Variants in UBASH3B observed in about 807,000 individuals in gnomAD.
UBASH3B encodes ubiquitin associated and SH3 domain containing B.
Under a neutral mutation model 83.4 loss-of-function variants are expected in UBASH3B, and 37 were observed. That is an observed-to-expected ratio of 0.44 (90% CI 0.34 to 0.58). UBASH3B has a LOEUF of 0.58. Ranked by LOEUF, UBASH3B falls within the 20% of genes least tolerant of loss-of-function variation. UBASH3B has a pLI of 0.01. For missense variants in UBASH3B, 657 were observed against 827.2 expected, an observed-to-expected ratio of 0.79 and a Z score of 2.52; for synonymous variants, 304 against 318.3, an observed-to-expected ratio of 0.96 and a Z score of 0.48.
At chr11:122,762,099 G>A (rs529098692) in intron 1 of UBASH3B, among the ~76,000 whole-genome samples, 86 of 152,062 alleles carry the variant, frequency 5.7e-4, no homozygotes, top group African/African-American at 2.0e-3. Flanking sequence ...GCCGGTTTTC[G>A]CCATTACCGT....
intron 1 of UBASH3B, among the ~76,000 whole-genome samples, chr11:122,692,301 T>A (rs1863906478): frequency 6.6e-6 from 1 of 152,200 alleles, no homozygotes; most frequent in African/African-American, 2.4e-5. Flanking sequence ...AGATGAATAT[T>A]TTCTTACTAA....
chr11:122,696,054 A>T (rs1316539276), intron 1 of UBASH3B, among the ~76,000 whole-genome samples: 3 of 152,040 alleles, frequency 2.0e-5, no homozygotes, highest in Admixed American at 1.3e-4. Context: ...GGTTTAAGCG[A>T]ATCTCCTGCC....
chr11:122,707,788 TC>T (rs1043490853), intron 1 of UBASH3B, among the ~76,000 whole-genome samples: 1 of 49,196 alleles, frequency 2.0e-5, no homozygotes, highest in African/African-American at 4.1e-5. Flanking sequence ...AACCTCCGCC[TC>T]CTGTGTTCAA....
chr11:122,784,741 C>G (rs1860917678), intron 5 of UBASH3B, among the ~76,000 whole-genome samples: 1 of 152,132 alleles, frequency 6.6e-6, no homozygotes, highest in Non-Finnish European at 1.5e-5. Context: ...AAGAGCCAAC[C>G]CATGAGTCAG....
chr11:122,657,927 G>A (rs942340980), intron 1 of UBASH3B, among the ~76,000 whole-genome samples: 1 of 152,166 alleles, frequency 6.6e-6, no homozygotes, highest in Non-Finnish European at 1.5e-5. Flanking sequence ...TGTAACCCCA[G>A]CAGTTTGGGA....
chr11:122,714,605 G>A (rs536196841), intron 1 of UBASH3B, among the ~76,000 whole-genome samples: 6 of 152,318 alleles, frequency 3.9e-5, no homozygotes, highest in East Asian at 1.9e-4. Flanking sequence ...CTTCACGGTC[G>A]TGTGACTTTG....
intron 10 of UBASH3B, 72 bp downstream of exon 10, chr11:122,799,106 C>A: frequency 7.8e-7 from 1 of 1,279,508 alleles, no homozygotes; most frequent in Non-Finnish European, 1.1e-6. Flanking sequence ...CATAAATTAT[C>A]TTAGAGCCAT....
chr11:122,762,102 A>G (rs1193060217), intron 1 of UBASH3B, among the ~76,000 whole-genome samples: 1 of 152,056 alleles, frequency 6.6e-6, no homozygotes, highest in Non-Finnish European at 1.5e-5. Context: ...GGTTTTCGCC[A>G]TTACCGTCAA....
intron 5 of UBASH3B, among the ~76,000 whole-genome samples, chr11:122,788,680 A>AC (rs201966628): frequency 0.016 from 2,422 of 152,084 alleles, 67 homozygotes; most frequent in African/African-American, 0.055. Flanking sequence ...CCCCTCTGTA[A>AC]CCCCCGTATG....
At chr11:122,774,219 C>T (rs149279611) in intron 1 of UBASH3B, 55 of 985,460 alleles carry the variant, frequency 5.6e-5, no homozygotes, top group Admixed American at 1.2e-4. Flanking sequence ...CTGTTCCAAG[C>T]GGAGCAGAGG....
At chr11:122,779,921 G>A (rs1320325105) in intron 4 of UBASH3B, among the ~76,000 whole-genome samples, 1 of 152,164 alleles carries the variant, frequency 6.6e-6, no homozygotes, top group Non-Finnish European at 1.5e-5. Flanking sequence ...GACCGTCTAA[G>A]GCTTATTCCC....
intron 1 of UBASH3B, among the ~76,000 whole-genome samples, chr11:122,732,630 T>C (rs1591791293): frequency 6.6e-6 from 1 of 152,302 alleles, no homozygotes; most frequent in East Asian, 1.9e-4. Context: ...GCCCCACGTA[T>C]TTCCTGTGTT....
chr11:122,774,567 A>G (rs1472465148), intron 1 of UBASH3B, among the ~76,000 whole-genome samples: 1 of 152,170 alleles, frequency 6.6e-6, no homozygotes, highest in Non-Finnish European at 1.5e-5. Context: ...AGCATCGGTC[A>G]TTCTAATTGC....
intron 1 of UBASH3B, among the ~76,000 whole-genome samples, chr11:122,689,153 A>G (rs1863852707): frequency 6.6e-6 from 1 of 152,184 alleles, no homozygotes; most frequent in Admixed American, 6.5e-5. Flanking sequence ...GTAAAAAGTA[A>G]CGTATGTTTA....
chr11:122,781,119 C>T (rs1354423485), intron 4 of UBASH3B, among the ~76,000 whole-genome samples: 2 of 152,064 alleles, frequency 1.3e-5, no homozygotes, highest in East Asian at 3.9e-4. Flanking sequence ...AACACAAGGA[C>T]CTTAAGACCC....
rs1293701124 is a variant in UBASH3B at position 122,744,898 on chromosome 11, T to TGTGTGTGC, written c.162-31320_162-31319insTGTGTGCG. ...CTGTGTGTGTGTGTGTGTGTGTGTG[T>TGTGTGTGC]GCGCGCGCGCGCGCACTTGGGCACG... On this transcript the variant is annotated intron_variant, in intron 1 of 13. Coordinates refer to ENST00000284273, the MANE Select transcript of UBASH3B (RefSeq NM_032873.5). 7.4e-3 allele frequency among the ~76,000 whole-genome samples: 800 copies of TGTGTGTGC among 107,910 alleles called. 5 individuals carry two copies. Among genetic ancestry groups the TGTGTGTGC allele is most frequent in the African/African-American group, 0.015 (508 of 34,342 alleles). 70.8% of individuals were successfully genotyped at this position (107,910 alleles called of 152,430 possible).
At chr11:122,792,606 G>T (rs533889208) in intron 6 of UBASH3B, among the ~76,000 whole-genome samples, 1 of 152,118 alleles carries the variant, frequency 6.6e-6, no homozygotes, top group African/African-American at 2.4e-5. Flanking sequence ...GACGTGAGCC[G>T]CTGTGCCCAG....
At chr11:122,682,414 A>G (rs1565527420) in intron 1 of UBASH3B, among the ~76,000 whole-genome samples, 1 of 152,200 alleles carries the variant, frequency 6.6e-6, no homozygotes. Flanking sequence ...ACTTGTCCTG[A>G]GAAGTTCACT....
chr11:122,764,416 G>T (rs1173200793), intron 1 of UBASH3B, among the ~76,000 whole-genome samples: 1 of 152,210 alleles, frequency 6.6e-6, no homozygotes, highest in South Asian at 2.1e-4. Flanking sequence ...AGTAAGAAAT[G>T]ACTTCCTTTG....
Sources: gnomAD v4.1 joint callset for allele counts (sites outside exome capture counted in the v4.1 genomes callset) on GRCh38, gnomAD v4.1.1 for gene constraint, MANE v1.5 for transcripts, NCBI Gene and HGNC (gene_info 2026-07-23, HGNC 2026-07-21) for gene names.